Variants in MYO16 observed in about 807,000 individuals in gnomAD.
MYO16 encodes the protein unconventional myosin-XVI.
Under a neutral mutation model 205.3 loss-of-function variants are expected in MYO16, and 94 were observed. The observed-to-expected ratio is 0.46, with a 90% CI of 0.39 to 0.54. The LOEUF (loss-of-function observed/expected upper bound fraction) is 0.54, where lower values mean the gene tolerates loss of function less well. Among genes scored for constraint, MYO16 ranks in the 20% least tolerant of loss-of-function variants. MYO16 has a pLI of 0.00. For synonymous variants in MYO16, 988 were observed against 954.0 expected (o/e 1.04, Z -0.66); for missense variants, 2,315 against 2,387.5 (o/e 0.97, Z 0.63).
chr13:108,510,479 T>TTTG, the MYO16 span, among the ~76,000 whole-genome samples: 10 of 134,670 alleles, frequency 7.4e-5, 1 homozygote, highest in East Asian at 1.8e-3. Context: ...TTTTTTTTTT[T>TTTG]TTTTTTATTG....
chr13:108,844,510 T>C lies in MYO16; in HGVS notation c.1248+17T>C. 3 of 1,592,910 alleles carry C rather than the reference T, an allele frequency of 1.9e-6. No homozygotes were observed. Among genetic ancestry groups the C allele is most frequent in the South Asian group, 1.1e-5 (1 of 87,982 alleles). On this transcript the variant is annotated intron_variant, in intron 10 of 34. Coordinates refer to ENST00000457511, the MANE Select transcript of MYO16 (RefSeq NM_001198950.3). ...CCCGAGCAGGTAATCATGCTTTCAC[T>C]GTGTGTCTACCAGTACTTTTTCATA...
At chr13:108,648,830 A>T (rs1880869319) in intron 1 of MYO16, among the ~76,000 whole-genome samples, 1 of 152,090 alleles carries the variant, frequency 6.6e-6, no homozygotes, top group Admixed American at 6.6e-5. Context: ...TACTCAGAAA[A>T]TCTGAATGCC....
intron 1 of MYO16, among the ~76,000 whole-genome samples, chr13:108,602,909 A>T (rs1878817747): frequency 6.6e-6 from 1 of 152,336 alleles, no homozygotes; most frequent in Middle Eastern, 3.4e-3. Flanking sequence ...GGTATGGAAA[A>T]GCATATCCTG....
intron 24 of MYO16, chr13:109,048,284 G>A: frequency 1.5e-6 from 1 of 672,304 alleles, no homozygotes; most frequent in Admixed American, 2.3e-5. Context: ...ATGTAAATTT[G>A]TACAAAAAAA....
intron 1 of MYO16, among the ~76,000 whole-genome samples, chr13:108,648,786 T>C (rs924920848): frequency 2.0e-5 from 3 of 152,042 alleles, no homozygotes; most frequent in Admixed American, 6.5e-5. Context: ...CAAAAGGGAA[T>C]GTATTGGCTT....
intron 16 of MYO16, among the ~76,000 whole-genome samples, chr13:108,927,524 A>G (rs1301426511): frequency 2.0e-5 from 3 of 152,166 alleles, no homozygotes; most frequent in Non-Finnish European, 4.4e-5. Flanking sequence ...GCTTCCCAGA[A>G]CACCCAAAGA....
chr13:108,666,187 A>G (rs1331208198), intron 2 of MYO16, 38 bp downstream of exon 2: 4 of 1,538,660 alleles, frequency 2.6e-6, no homozygotes, highest in Non-Finnish European at 3.5e-6. Flanking sequence ...TTCTGATGTG[A>G]TTTTTCATGA....
chr13:108,883,179 A>C lies in MYO16; in HGVS notation c.1546A>C (p.Ile516Leu), dbSNP rs755691000. 2.5e-6 allele frequency: 4 copies of C among 1,613,740 alleles called. No homozygotes were observed. The highest frequency in any genetic ancestry group is 3.4e-6 in the Non-Finnish European group (4 of 1,179,764). Reference protein sequence around the residue: ...LFREQRPQCFILSGERGSGKS... With the variant: ...LFREQRPQCFLLSGERGSGKS... ...CCGGGAACAGCGGCCTCAGTGTTTCATCCTCAGGTGAGTCCTCCTCAACCT... is the reference window on the plus strand; with the variant it reads ...CCGGGAACAGCGGCCTCAGTGTTTCCTCCTCAGGTGAGTCCTCCTCAACCT... The change falls in exon 13 of 35, where the codon ATC becomes CTC. Residue 516 changes from isoleucine to leucine, a missense_variant. Coordinates refer to ENST00000457511, the MANE Select transcript of MYO16 (RefSeq NM_001198950.3).
At chr13:108,958,480 A>G (rs886721668) in intron 17 of MYO16, among the ~76,000 whole-genome samples, 1 of 152,126 alleles carries the variant, frequency 6.6e-6, no homozygotes, top group Non-Finnish European at 1.5e-5. Flanking sequence ...AAGCTGAAAA[A>G]TTACACTTTA....
chr13:109,072,224 C>T (rs537839284), intron 27 of MYO16, among the ~76,000 whole-genome samples: 7 of 152,242 alleles, frequency 4.6e-5, no homozygotes, highest in Non-Finnish European at 5.9e-5. Context: ...TCAATTTTTA[C>T]GATCGATGTT....
rs1885740642 is a variant in MYO16 at position 108,765,251 on chromosome 13, A to C, written c.508-20384A>C. 3.3e-5 allele frequency among the ~76,000 whole-genome samples: 5 copies of C among 152,216 alleles called. No homozygotes were observed. The South Asian group carries it at 1.0e-3, about 31-fold the overall frequency. ...AATGGTATGCAGTTGCATTATATAA[A>C]TATCATTAAGTATTGTTAATTAATA... On this transcript the variant is annotated intron_variant, in intron 4 of 34. Transcript: ENST00000457511.
intron 14 of MYO16, among the ~76,000 whole-genome samples, chr13:108,888,937 C>A (rs965155373): frequency 6.6e-6 from 1 of 152,026 alleles, no homozygotes; most frequent in Non-Finnish European, 1.5e-5. Flanking sequence ...TGCCTGTAAT[C>A]CCAGCTACTC....
At chr13:108,937,467 T>C (rs2139306217) in intron 16 of MYO16, among the ~76,000 whole-genome samples, 1 of 152,328 alleles carries the variant, frequency 6.6e-6, no homozygotes, top group African/African-American at 2.4e-5. Flanking sequence ...ATTTTTCGAC[T>C]TGTTTACTTT....
At chr13:108,598,927 A>G (rs1483909225) in intron 1 of MYO16, among the ~76,000 whole-genome samples, 1 of 150,742 alleles carries the variant, frequency 6.6e-6, no homozygotes, top group African/African-American at 2.4e-5. Context: ...TACATGTGCC[A>G]TGCTGGTGTG....
chr13:108,944,350 T>C (rs1044409508), intron 16 of MYO16, among the ~76,000 whole-genome samples: 2 of 152,194 alleles, frequency 1.3e-5, no homozygotes, highest in Non-Finnish European at 2.9e-5. Flanking sequence ...CTGTTAAGAT[T>C]GAAGAGGAAA....
At chr13:108,903,578 AT>A (rs1880818715) in intron 15 of MYO16, among the ~76,000 whole-genome samples, 1 of 152,172 alleles carries the variant, frequency 6.6e-6, no homozygotes, top group African/African-American at 2.4e-5. Context: ...GATCTATTGT[AT>A]GAATTTTTAC....
At chr13:109,112,754 A>AG (rs780514244) in intron 28 of MYO16, among the ~76,000 whole-genome samples, 2 of 152,196 alleles carry the variant, frequency 1.3e-5, no homozygotes, top group Non-Finnish European at 2.9e-5. Flanking sequence ...CAAAAAAAAA[A>AG]TAATTTTTGT....
intron 23 of MYO16, among the ~76,000 whole-genome samples, chr13:109,044,177 A>G (rs1350074316): frequency 1.3e-5 from 2 of 152,222 alleles, no homozygotes; most frequent in Non-Finnish European, 2.9e-5. Context: ...GGCTTTTGCT[A>G]CTTAAATGCT....
At chr13:108,855,930 G>C (rs1168590581) in intron 11 of MYO16, among the ~76,000 whole-genome samples, 1 of 152,190 alleles carries the variant, frequency 6.6e-6, no homozygotes, top group South Asian at 2.1e-4. Context: ...AACAGGAAGC[G>C]AAAGAGCATA....
Sources: gnomAD v4.1 joint callset for allele counts (sites outside exome capture counted in the v4.1 genomes callset) on GRCh38, gnomAD v4.1.1 for gene constraint, MANE v1.5 for transcripts, NCBI Gene and HGNC (gene_info 2026-07-23, HGNC 2026-07-21) for gene names.